CECR2: variants seen among roughly 807,000 people sequenced by gnomAD.
CECR2 encodes the protein CECR2 histone acetyl-lysine reader, also known as chromatin remodeling regulator CECR2.
In CECR2, 30 loss-of-function variants were observed where a neutral mutation model predicts 154.5. The observed-to-expected ratio is 0.19, with a 90% CI of 0.15 to 0.26. The LOEUF (loss-of-function observed/expected upper bound fraction) is 0.26. Among genes scored for constraint, CECR2 ranks in the 10% least tolerant of loss-of-function variants. The pLI is 1.00. For synonymous variants in CECR2, 725 were observed against 683.7 expected (o/e 1.06, Z -0.94); for missense variants, 1,743 against 1,829.3 (o/e 0.95, Z 0.86).
chr22:17,387,522 C>T (rs2063278003), intron 1 of CECR2, among the ~76,000 whole-genome samples: 1 of 152,148 alleles, frequency 6.6e-6, no homozygotes, highest in African/African-American at 2.4e-5. Flanking sequence ...GGCCCCGGCT[C>T]CAGCCTGCTG....
At chr22:17,495,567 T>TAAAAAAAA (rs35952986) in intron 2 of CECR2, among the ~76,000 whole-genome samples, 9 of 124,808 alleles carry the variant, frequency 7.2e-5, no homozygotes, top group African/African-American at 2.8e-4. Flanking sequence ...AAAACTCCAT[T>TAAAAAAAA]AAAAAAAAAA....
intron 1 of CECR2, among the ~76,000 whole-genome samples, chr22:17,420,287 T>C (rs2054226394): frequency 6.6e-6 from 1 of 151,116 alleles, no homozygotes; most frequent in Admixed American, 6.6e-5. Context: ...AATTTAGAAA[T>C]ATGGGAAGAT....
At chr22:17,506,621 A>G (rs1441691327) in intron 7 of CECR2, among the ~76,000 whole-genome samples, 2 of 152,010 alleles carry the variant, frequency 1.3e-5, no homozygotes, top group East Asian at 3.9e-4. Flanking sequence ...CAGCCACGAC[A>G]CTTAATGTCA....
At chr22:17,528,254 A>C (rs764187246) in intron 9 of CECR2, among the ~76,000 whole-genome samples, 5 of 152,244 alleles carry the variant, frequency 3.3e-5, no homozygotes, top group Non-Finnish European at 5.9e-5. Flanking sequence ...GTCGTTTGCA[A>C]CAACATGGAT....
intron 1 of CECR2, among the ~76,000 whole-genome samples, chr22:17,399,375 T>G (rs2053858205): frequency 6.6e-6 from 1 of 151,654 alleles, no homozygotes; most frequent in Non-Finnish European, 1.5e-5. Context: ...TTTTGAAGGG[T>G]GCTTAGGGTT....
intron 1 of CECR2, among the ~76,000 whole-genome samples, chr22:17,470,218 A>C (rs1423642975): frequency 6.6e-6 from 1 of 151,972 alleles, no homozygotes; most frequent in South Asian, 2.1e-4. Context: ...CAGGCAGATC[A>C]TTTGAGGTCA....
rs1355461835 is a variant in CECR2 at position 17,548,150 on chromosome 22, G to A, written c.2863G>A (p.Glu955Lys). 6.7e-7 allele frequency: 1 copy of A among 1,491,944 alleles called. No homozygotes were observed. Among genetic ancestry groups the A allele is most frequent in the Admixed American group, 2.4e-5 (1 of 40,908 alleles). 92.4% of individuals were successfully genotyped at this position (1,491,944 alleles called of 1,614,324 possible). A position where few individuals can be genotyped will look rare whatever the true frequency, so the allele number is the denominator to read the frequency against. The change falls in exon 17 of 19, where the codon GAG (glutamate) becomes AAG (lysine). Residue 955 changes from glutamate to lysine, a missense_variant and splice_region_variant. Physicochemically the swap from Glu to Lys is moderately conservative, Grantham distance 56 (BLOSUM62 1). Around this residue, in one of 4 missense-constraint regions of CECR2, gnomAD observed 1,250 missense variants for 1,192.1 expected, o/e 1.05. Transcript: ENST00000262608. ...EAQEPENDQA[E>K]PLPGLEEKPP... is the part of the protein sequence containing the mutation. ...CCTCTTTTTTTTTTTTTTTGCAGCAGAGCCGTTGCCTGGCCTTGAAGAGAA... is the reference window on the plus strand; with the variant it reads ...CCTCTTTTTTTTTTTTTTTGCAGCAAAGCCGTTGCCTGGCCTTGAAGAGAA...
chr22:17,435,712 A>G (rs1450512192), intron 1 of CECR2, among the ~76,000 whole-genome samples: 1 of 132,428 alleles, frequency 7.6e-6, no homozygotes, highest in Non-Finnish European at 1.6e-5. Context: ...AAAAAAAAAC[A>G]GGAGCAGGAC....
chr22:17,392,913 G>A (rs1219778621), intron 1 of CECR2, among the ~76,000 whole-genome samples: 3 of 151,954 alleles, frequency 2.0e-5, no homozygotes, highest in Non-Finnish European at 2.9e-5. Context: ...GGTGACACCC[G>A]CCTGTAATTC....
At chr22:17,432,841 C>T (rs5746378) in intron 1 of CECR2, among the ~76,000 whole-genome samples, 25,583 of 152,150 alleles carry the variant, frequency 0.17, 2,445 homozygotes, top group East Asian at 0.23. Context: ...GATCCTCCCA[C>T]CTCACCCTGT....
chr22:17,433,627 G>T (rs77346266), intron 1 of CECR2, among the ~76,000 whole-genome samples: 1 of 152,090 alleles, frequency 6.6e-6, no homozygotes, highest in Non-Finnish European at 1.5e-5. Flanking sequence ...TGTGTTCTTT[G>T]TAGAGACAGG....
chr22:17,474,098 C>T (rs1382557516), intron 1 of CECR2, among the ~76,000 whole-genome samples: 1 of 152,050 alleles, frequency 6.6e-6, no homozygotes, highest in Non-Finnish European at 1.5e-5. Flanking sequence ...AGGCTTTACT[C>T]TCCAGGGGTT....
chr22:17,381,191 G>A (rs1189965480), intron 1 of CECR2, among the ~76,000 whole-genome samples: 1 of 152,202 alleles, frequency 6.6e-6, no homozygotes, highest in Admixed American at 6.5e-5. Context: ...TCTTACACTG[G>A]CATTGATTTG....
At chr22:17,438,957 C>G (rs1461685402) in intron 1 of CECR2, among the ~76,000 whole-genome samples, 2 of 152,090 alleles carry the variant, frequency 1.3e-5, no homozygotes, top group Non-Finnish European at 2.9e-5. Context: ...GGGAGGATCA[C>G]TTGAGGCCAG....
At position 17,373,469 on chromosome 22, in the gene CECR2, T is replaced by G. The variant is rs551264801; in HGVS notation, c.126+3560T>G. ...AATTAAAACCACCCATGGTCACCAATCAGGGATAAAAGTTAACTGTTAACA... is the reference window on the plus strand; with the variant it reads ...AATTAAAACCACCCATGGTCACCAAGCAGGGATAAAAGTTAACTGTTAACA... On this transcript the variant is annotated intron_variant, in intron 1 of 18. Coordinates refer to ENST00000262608, the MANE Select transcript of CECR2 (RefSeq NM_001290047.2). Among the ~76,000 whole-genome samples, 11 of 152,270 alleles carry G rather than the reference T, an allele frequency of 7.2e-5. No individual in the cohort carries two copies. The South Asian group carries it at 2.3e-3, about 32-fold the overall frequency.
chr22:17,525,509 G>C (rs1000109157), intron 9 of CECR2, among the ~76,000 whole-genome samples: 4 of 151,988 alleles, frequency 2.6e-5, no homozygotes, highest in African/African-American at 7.2e-5. Flanking sequence ...AGGAGGATGA[G>C]GTGGGAGAAT....
At position 17,382,820 on chromosome 22, in the gene CECR2, G is replaced by C. The variant is rs75276584; in HGVS notation, c.126+12911G>C. Among the ~76,000 whole-genome samples the C allele has an allele frequency of 8.0e-3, 1,213 of 152,194 alleles. 53 individuals are homozygous for C. The East Asian group carries it at 0.13, about 17-fold the overall frequency. The stretch of plus-strand genomic sequence containing the variant: ...TATGGGAGGCTGAGATGGGAGGATC[G>C]CTTGAGTCCAGGAGGCGGAGGTTGC... On this transcript the variant is annotated intron_variant, in intron 1 of 18. Coordinates refer to ENST00000262608, the MANE Select transcript of CECR2 (RefSeq NM_001290047.2).
upstream of CECR2, among the ~76,000 whole-genome samples, chr22:17,365,348 T>A (rs1285486284): frequency 6.6e-6 from 1 of 152,228 alleles, no homozygotes; most frequent in Non-Finnish European, 1.5e-5. Context: ...CACACATTTT[T>A]AAATTAATCC....
intron 1 of CECR2, among the ~76,000 whole-genome samples, chr22:17,398,106 G>T (rs1216066046): frequency 6.6e-6 from 1 of 151,654 alleles, no homozygotes; most frequent in Non-Finnish European, 1.5e-5. Context: ...ATATTTCATG[G>T]TATGTCTGCT....
Sources: allele counts gnomAD v4.1 joint callset (sites outside exome capture counted in the v4.1 genomes callset), GRCh38; gene constraint gnomAD v4.1.1; regional missense constraint gnomAD v4.1.1; transcripts MANE v1.5; gene names NCBI Gene and HGNC (gene_info 2026-07-23, HGNC 2026-07-21).